LIMCH1: variants seen among roughly 807,000 people sequenced by gnomAD.
LIMCH1 encodes the protein LIM and calponin homology domains 1.
A neutral mutation model predicts 176.5 loss-of-function variants in LIMCH1; 113 were observed. The observed-to-expected ratio is 0.64, with a 90% CI of 0.55 to 0.75. The LOEUF (loss-of-function observed/expected upper bound fraction) is 0.75. LIMCH1 is among the 30% of genes least tolerant of loss of function. The pLI is 0.00. For synonymous variants in LIMCH1, 619 were observed against 645.9 expected, an observed-to-expected ratio of 0.96 and a Z score of 0.63; for missense variants, 1,674 against 1,814.9, an observed-to-expected ratio of 0.92 and a Z score of 1.41.
intron 1 of LIMCH1, among the ~76,000 whole-genome samples, chr4:41,583,746 T>C (rs1256510497): frequency 2.0e-5 from 3 of 151,644 alleles, no homozygotes; most frequent in African/African-American, 7.3e-5. Flanking sequence ...ATAAAAGGAG[T>C]GGTGGTGATA....
At chr4:41,569,008 AAC>A (rs2083154490) in intron 1 of LIMCH1, among the ~76,000 whole-genome samples, 1 of 152,232 alleles carries the variant, frequency 6.6e-6, no homozygotes, top group Admixed American at 6.5e-5. Context: ...AATTAAAAAA[AAC>A]AATTTAGTGC....
intron 1 of LIMCH1, among the ~76,000 whole-genome samples, chr4:41,556,676 A>G (rs2081314912): frequency 1.3e-5 from 2 of 152,140 alleles, no homozygotes. Flanking sequence ...AGCAGCTGAG[A>G]TGGGATTTGA....
intron 1 of LIMCH1, among the ~76,000 whole-genome samples, chr4:41,372,786 A>G (rs1212888765): frequency 2.0e-5 from 3 of 152,206 alleles, no homozygotes; most frequent in Non-Finnish European, 4.4e-5. Flanking sequence ...GTTTTCATCC[A>G]GGAAACCTAC....
At chr4:41,439,899 A>C (rs2062522251) in intron 1 of LIMCH1, among the ~76,000 whole-genome samples, 1 of 152,094 alleles carries the variant, frequency 6.6e-6, no homozygotes, top group South Asian at 2.1e-4. Context: ...GCAAAACTCC[A>C]TCTCAAAAAA....
intron 1 of LIMCH1, among the ~76,000 whole-genome samples, chr4:41,587,510 A>G (rs975054402): frequency 2.0e-5 from 3 of 152,212 alleles, no homozygotes. Context: ...ATGAACAGCA[A>G]GAGCCAATAA....
At chr4:41,593,925 C>T (rs1048794610) in intron 1 of LIMCH1, among the ~76,000 whole-genome samples, 8 of 152,188 alleles carry the variant, frequency 5.3e-5, no homozygotes, top group African/African-American at 1.7e-4. Flanking sequence ...CAGACATACT[C>T]GCAACCTCTC....
At chr4:41,547,092 CTA>C (rs2079541970) in intron 1 of LIMCH1, among the ~76,000 whole-genome samples, 1 of 152,112 alleles carries the variant, frequency 6.6e-6, no homozygotes, top group Non-Finnish European at 1.5e-5. Flanking sequence ...GTTATGATGT[CTA>C]TACAATGTGG....
rs1366017792 is a variant in LIMCH1 at position 41,419,584 on chromosome 4, TTCCTTCCTTCCTTCCTTCCG to T, written c.96+58668_96+58687del. ...TCCCCTTCCTTCCTTCCTTCCTTCC[TTCCTTCCTTCCTTCCTTCCG>T]TCCTTCCTTCCTTCCTTCCTTCCTT... On this transcript the variant is annotated intron_variant, in intron 1 of 26. Transcript: ENST00000313860. Among the ~76,000 whole-genome samples, 172 of 89,636 alleles carry T rather than the reference TTCCTTCCTTCCTTCCTTCCG, an allele frequency of 1.9e-3. 4 individuals are homozygous for T. Among genetic ancestry groups the T allele is most frequent in the Middle Eastern group, 5.1e-3 (1 of 198 alleles). The allele number at this position is 89,636 out of a possible 152,430, so 58.8% of individuals were successfully genotyped here.
chr4:41,496,252 T>C (rs894247846), intron 2 of LIMCH1, among the ~76,000 whole-genome samples: 2 of 152,226 alleles, frequency 1.3e-5, no homozygotes, highest in African/African-American at 4.8e-5. Flanking sequence ...TATATTCTCA[T>C]GCCCAGGTAG....
At chr4:41,376,457 T>C (rs1168533979) in intron 1 of LIMCH1, among the ~76,000 whole-genome samples, 1 of 152,214 alleles carries the variant, frequency 6.6e-6, no homozygotes, top group Non-Finnish European at 1.5e-5. Context: ...ATGGATAGCT[T>C]TGATAAACTA....
At chr4:41,433,627 C>G (rs953663754) in intron 1 of LIMCH1, among the ~76,000 whole-genome samples, 44 of 151,776 alleles carry the variant, frequency 2.9e-4, no homozygotes, top group African/African-American at 1.0e-3. Flanking sequence ...AGTTGGACTT[C>G]CTCAGGTAGC....
intron 17 of LIMCH1, among the ~76,000 whole-genome samples, chr4:41,648,708 G>C (rs1203454698): frequency 1.8e-5 from 2 of 110,540 alleles, no homozygotes; most frequent in African/African-American, 6.9e-5. Context: ...TGTCTTCTTG[G>C]AGGGCAGGGC....
At chr4:41,686,164 A>G (rs1720591867) in intron 28 of LIMCH1, among the ~76,000 whole-genome samples, 1 of 152,218 alleles carries the variant, frequency 6.6e-6, no homozygotes, top group Non-Finnish European at 1.5e-5. Context: ...AGTTTCGTTC[A>G]AGGAAAAAAA....
At chr4:41,472,714 C>A (rs949976808) in intron 1 of LIMCH1, among the ~76,000 whole-genome samples, 1 of 152,168 alleles carries the variant, frequency 6.6e-6, no homozygotes, top group African/African-American at 2.4e-5. Flanking sequence ...CCACAGAACA[C>A]TGACCCCACC....
Position 41,491,081 on chromosome 4 carries a change from C to G in LIMCH1, c.97-3455C>G, listed in dbSNP as rs1583037016. Among the ~76,000 whole-genome samples, 3 of 132,810 alleles carry G rather than the reference C, an allele frequency of 2.3e-5. No homozygotes were observed. The South Asian group carries it at 7.5e-4, about 33-fold the overall frequency. 87.1% of individuals were successfully genotyped at this position (132,810 alleles called of 152,430 possible). ...GCAGAGGTGCACCTCACTTCCCAGA[C>G]AGGGTGGTGGCCGGACAGAGGCGCT... On this transcript the variant is annotated intron_variant, in intron 1 of 26. Transcript: ENST00000313860.
chr4:41,646,319 ATCTAGGTGTTTTTTTTT>A, intron 16 of LIMCH1, 39 bp downstream of exon 16: 1 of 1,559,432 alleles, frequency 6.4e-7, no homozygotes, highest in South Asian at 1.2e-5. Flanking sequence ...GTACAATATT[ATCTAGGTGTTTTTTTTT>A]TCTAAAAATT....
At chr4:41,467,143 A>G (rs983734708) in intron 1 of LIMCH1, among the ~76,000 whole-genome samples, 4 of 100,058 alleles carry the variant, frequency 4.0e-5, no homozygotes, top group African/African-American at 6.5e-5. Context: ...CCATATATAT[A>G]TGTGTATGTA....
At chr4:41,614,532 T>C (rs1442524753) in intron 5 of LIMCH1, among the ~76,000 whole-genome samples, 1 of 152,228 alleles carries the variant, frequency 6.6e-6, no homozygotes, top group Non-Finnish European at 1.5e-5. Context: ...ATCTAGCTAA[T>C]ATATCTTAAG....
At chr4:41,437,908 A>C (rs2154139634) in intron 1 of LIMCH1, among the ~76,000 whole-genome samples, 1 of 152,350 alleles carries the variant, frequency 6.6e-6, no homozygotes, top group African/African-American at 2.4e-5. Context: ...GGCCCAAAGT[A>C]AATTGTCACA....
Sources: allele counts gnomAD v4.1 joint callset (sites outside exome capture counted in the v4.1 genomes callset), GRCh38; gene constraint gnomAD v4.1.1; transcripts MANE v1.5; gene names NCBI Gene and HGNC (gene_info 2026-07-23, HGNC 2026-07-21).